Variants in PEMT observed in about 807,000 individuals in gnomAD.
The protein encoded by PEMT is phosphatidylethanolamine N-methyltransferase, also known as phospholipid methyltransferase.
PEMT carries 23 observed loss-of-function variants against 27.4 expected under a neutral mutation model. The ratio of observed to expected loss-of-function variants is 0.84; its 90% CI spans 0.60 to 1.19. PEMT has a LOEUF of 1.19. PEMT is among the 50% of genes most tolerant of loss of function. The pLI is 0.00. For synonymous variants in PEMT, 137 were observed against 139.1 expected, an observed-to-expected ratio of 0.98 and a Z score of 0.11; for missense variants, 307 against 310.1, an observed-to-expected ratio of 0.99 and a Z score of 0.07.
intron 2 of PEMT, among the ~76,000 whole-genome samples, chr17:17,538,940 G>C (rs1346511459): frequency 6.6e-6 from 1 of 152,192 alleles, no homozygotes; most frequent in Admixed American, 6.5e-5. Flanking sequence ...GCCTTTTATG[G>C]GCGAGAGACA....
intron 2 of PEMT, among the ~76,000 whole-genome samples, chr17:17,533,000 C>G (rs529304439): frequency 1.3e-5 from 2 of 152,328 alleles, no homozygotes; most frequent in Admixed American, 1.3e-4. Context: ...GCACTCCAGC[C>G]TGGGTGACAG....
intron 2 of PEMT, among the ~76,000 whole-genome samples, chr17:17,544,423 G>A (rs1454842625): frequency 2.6e-5 from 4 of 151,960 alleles, no homozygotes; most frequent in Admixed American, 6.6e-5. Context: ...TGGGATTACA[G>A]GTGCCCACCA....
At chr17:17,574,030 C>A (rs1911396021) in intron 2 of PEMT, among the ~76,000 whole-genome samples, 1 of 152,106 alleles carries the variant, frequency 6.6e-6, no homozygotes, top group African/African-American at 2.4e-5. Flanking sequence ...GATCCACCCA[C>A]TGGGCTTCTG....
At chr17:17,574,974 AG>A (rs1473829768) in intron 2 of PEMT, among the ~76,000 whole-genome samples, 1 of 152,248 alleles carries the variant, frequency 6.6e-6, no homozygotes, top group African/African-American at 2.4e-5. Flanking sequence ...AACGTCTTCC[AG>A]CAGGGGTCTT....
intron 2 of PEMT, among the ~76,000 whole-genome samples, chr17:17,525,003 A>T (rs1413809475): frequency 2.6e-5 from 4 of 152,150 alleles, no homozygotes; most frequent in African/African-American, 7.2e-5. Flanking sequence ...GCTACTCGGG[A>T]GGCTGAGGCA....
At chr17:17,555,718 G>A (rs968903342) in intron 2 of PEMT, among the ~76,000 whole-genome samples, 6 of 152,236 alleles carry the variant, frequency 3.9e-5, no homozygotes, top group Admixed American at 1.3e-4. Context: ...AGCCTGTCAC[G>A]ATCATCCCAG....
chr17:17,527,476 G>A (rs1331173922), intron 2 of PEMT, among the ~76,000 whole-genome samples: 3 of 152,312 alleles, frequency 2.0e-5, no homozygotes, highest in African/African-American at 7.2e-5. Flanking sequence ...CTCAAACACC[G>A]GCTCCTCTAC....
At chr17:17,535,047 A>T (rs1395671983) in intron 2 of PEMT, among the ~76,000 whole-genome samples, 1 of 151,844 alleles carries the variant, frequency 6.6e-6, no homozygotes, top group Non-Finnish European at 1.5e-5. Flanking sequence ...AGTAGCTGCG[A>T]TTACAGGTGT....
intron 5 of PEMT, chr17:17,506,838 G>T: frequency 2.7e-6 from 1 of 366,100 alleles, no homozygotes; most frequent in Non-Finnish European, 5.0e-6. Context: ...TCTGGCTGTG[G>T]GGAAGGGGGC....
At chr17:17,522,425 A>C (rs147903363) in intron 2 of PEMT, 30 bp from the exon 3 acceptor site, 1 of 1,246,330 alleles carries the variant, frequency 8.0e-7, no homozygotes, top group Non-Finnish European at 1.2e-6. Flanking sequence ...CAAGAACGAG[A>C]TATTTCCTGG....
intron 2 of PEMT, chr17:17,570,371 G>A (rs1338923760): frequency 3.4e-6 from 1 of 291,638 alleles, no homozygotes; most frequent in African/African-American, 2.3e-5. Context: ...AGGCAGCCAT[G>A]GCCCTCAAGG....
At chr17:17,525,499 C>T (rs1298045406) in intron 2 of PEMT, among the ~76,000 whole-genome samples, 1 of 152,212 alleles carries the variant, frequency 6.6e-6, no homozygotes, top group Non-Finnish European at 1.5e-5. Flanking sequence ...GACGCAGTCG[C>T]CTCCCAGGGC....
intron 1 of PEMT, among the ~76,000 whole-genome samples, chr17:17,577,882 T>A (rs1183936033): frequency 1.3e-5 from 2 of 151,768 alleles, no homozygotes; most frequent in African/African-American, 4.8e-5. Flanking sequence ...CCGGGCATGG[T>A]GGCGGGCGCC....
intron 1 of PEMT, among the ~76,000 whole-genome samples, chr17:17,585,016 C>A (rs1021402731): frequency 3.3e-5 from 5 of 152,208 alleles, no homozygotes; most frequent in Non-Finnish European, 5.9e-5. Context: ...GACAACCCTG[C>A]GAGGCATGCC....
intron 1 of PEMT, among the ~76,000 whole-genome samples, chr17:17,580,922 C>G (rs1159579303): frequency 6.6e-6 from 1 of 152,196 alleles, no homozygotes; most frequent in Non-Finnish European, 1.5e-5. Flanking sequence ...CCCATGGACC[C>G]TTACCTATGG....
chr17:17,582,164 AGGTC>A lies in PEMT; in HGVS notation c.97-5141_97-5138del, dbSNP rs1240328161. On this transcript the variant is annotated intron_variant, in intron 1 of 6. Coordinates refer to ENST00000255389, the MANE Select transcript of PEMT (RefSeq NM_148172.3). This position sits in a 1 kb window ranked among gnomAD's most constrained non-coding sequence, Gnocchi z 4.9. The stretch of plus-strand genomic sequence containing the variant: ...AGCCCCAACCTCCTTCATACAACAG[AGGTC>A]CCGGCTTTCTGCTACCCAGTAATTC... 3.1e-6 allele frequency: 2 copies of A among 641,830 alleles called. No homozygotes were observed. Among genetic ancestry groups the A allele is most frequent in the Admixed American group, 1.3e-4 (2 of 15,820 alleles). The allele number at this position is 641,830 out of a possible 1,614,324, so 39.8% of individuals were successfully genotyped here. A position where few individuals can be genotyped will look rare whatever the true frequency, so the allele number is the denominator to read the frequency against.
At chr17:17,564,794 G>T (rs974983720) in intron 2 of PEMT, among the ~76,000 whole-genome samples, 5 of 152,206 alleles carry the variant, frequency 3.3e-5, no homozygotes, top group African/African-American at 4.8e-5. Context: ...TCAAGCAAGA[G>T]GCTGTGACGT....
intron 5 of PEMT, chr17:17,507,275 A>T: frequency 8.0e-7 from 1 of 1,245,348 alleles, no homozygotes; most frequent in South Asian, 1.3e-5. Context: ...GCGGGCACAG[A>T]GGGCGCATGG....
At chr17:17,528,787 G>A (rs1907883588) in intron 2 of PEMT, among the ~76,000 whole-genome samples, 1 of 152,186 alleles carries the variant, frequency 6.6e-6, no homozygotes, top group Non-Finnish European at 1.5e-5. Context: ...CAGGAGGTGG[G>A]ATTCAGGATC....
Sources: allele counts gnomAD v4.1 joint callset (sites outside exome capture counted in the v4.1 genomes callset), GRCh38; gene constraint gnomAD v4.1.1; non-coding constraint Gnocchi (gnomAD v3.1); transcripts MANE v1.5; gene names NCBI Gene and HGNC (gene_info 2026-07-23, HGNC 2026-07-21).